Variants in PIGQ observed in about 807,000 individuals in gnomAD.
PIGQ encodes the protein phosphatidylinositol glycan anchor biosynthesis class Q.
In PIGQ, 54 loss-of-function variants were observed where a neutral mutation model predicts 60.3. The observed-to-expected ratio is 0.90, with a 90% CI of 0.72 to 1.12. PIGQ has a LOEUF of 1.12. PIGQ is among the 50% of genes most tolerant of loss of function. The pLI is 0.00. For synonymous variants in PIGQ, 416 were observed against 363.7 expected (o/e 1.14, Z -1.64); for missense variants, 799 against 793.5 (o/e 1.01, Z -0.08).
intron 8 of PIGQ, 118 bp downstream of exon 8, chr16:580,381 G>A: frequency 1.4e-6 from 1 of 737,488 alleles, no homozygotes; most frequent in Non-Finnish European, 2.3e-6. Flanking sequence ...CCACGTGGGT[G>A]GCCTTTCAGG....
Position 583,551 on chromosome 16 carries a change from C to G in PIGQ, c.*516C>G. On this transcript the variant is annotated 3_prime_UTR_variant, in exon 11 of 11. Transcript: ENST00000321878. ...TGGGGGATTGAAGCAGTCGCTGACCCCCGTCCCCAGCGGGCCCGGGCCCTC... is the reference window on the plus strand; with the variant it reads ...TGGGGGATTGAAGCAGTCGCTGACCGCCGTCCCCAGCGGGCCCGGGCCCTC... 2 of 1,612,502 alleles carry G rather than the reference C, an allele frequency of 1.2e-6. No individual in the cohort carries two copies. The highest frequency in any genetic ancestry group is 1.7e-6 in the Non-Finnish European group (2 of 1,179,702).
rs944607489 is a variant in PIGQ at position 583,846 on chromosome 16, G to A, written c.*811G>A. 1.4e-5 allele frequency: 9 copies of A among 639,542 alleles called. No homozygotes were observed. The Admixed American group carries it at 1.4e-4, about 10-fold the overall frequency. The allele number at this position is 639,542 out of a possible 1,614,324, so 39.6% of individuals were successfully genotyped here. ...GACACCTCTGTGGCCCCCCAGGAGT[G>A]TGAGTGGCCTGGGGAGGGGGCCGTG... On this transcript the variant is annotated 3_prime_UTR_variant, in exon 11 of 11. Coordinates refer to ENST00000321878, the MANE Select transcript of PIGQ (RefSeq NM_004204.5).
intron 10 of PIGQ, 33 bp downstream of exon 10, chr16:582,342 C>T (rs757189554): frequency 4.6e-6 from 7 of 1,509,980 alleles, no homozygotes; most frequent in Non-Finnish European, 6.3e-6. Context: ...CGCCCCTACG[C>T]TGCTGCCCCT....
intron 7 of PIGQ, 179 bp from the exon 8 acceptor site, chr16:580,003 CG>C: frequency 3.9e-6 from 2 of 509,550 alleles, no homozygotes; most frequent in Non-Finnish European, 7.0e-6. Context: ...TCCCCTAGTC[CG>C]TGGGGTGTGG....
intron 9 of PIGQ, chr16:581,216 C>A: frequency 7.0e-7 from 1 of 1,429,150 alleles, no homozygotes. Flanking sequence ...ACCCTGGAGA[C>A]CTGAGGCCAC....
intron 2 of PIGQ, among the ~76,000 whole-genome samples, 195 bp downstream of exon 2, chr16:574,958 G>A (rs1216670986): frequency 1.3e-5 from 2 of 152,226 alleles, no homozygotes; most frequent in East Asian, 3.9e-4. Context: ...CTCACCCCTG[G>A]GGTAGAGCCA....
chr16:580,728 G>A, intron 8 of PIGQ, 130 bp from the exon 9 acceptor site: 2 of 691,220 alleles, frequency 2.9e-6, no homozygotes, highest in Non-Finnish European at 2.6e-6. Flanking sequence ...CCCTGCTCAG[G>A]GTGGGGTCCC....
intron 6 of PIGQ, 43 bp from the exon 7 acceptor site, chr16:579,016 GGGGGCGGGGC>G (rs929429514): frequency 6.3e-5 from 96 of 1,521,338 alleles, no homozygotes; most frequent in African/African-American, 2.3e-4. Context: ...CGAGTGGGGC[GGGGGCGGGGC>G]GGGGCGGGGC....
At chr16:578,629 T>A in intron 5 of PIGQ, 124 bp downstream of exon 5, 1 of 1,412,876 alleles carries the variant, frequency 7.1e-7, no homozygotes, top group Non-Finnish European at 9.7e-7. Flanking sequence ...GTGTGAGGCC[T>A]GCTGTGCTCA....
chr16:574,710 T>TTGCCTGCTGTTGGCC lies in PIGQ; in HGVS notation c.637_651dup (p.Cys213_Ala217dup). ...TGGCCAGGCGAGCCTCGGGACCCAT[T>TTGCCTGCTGTTGGCC]TGCCTGCTGTTGGCCAGCCTGCTGT... On this transcript the variant is annotated inframe_insertion, in exon 2 of 11. Transcript: ENST00000321878. 4 of 1,594,778 alleles carry TTGCCTGCTGTTGGCC rather than the reference T, an allele frequency of 2.5e-6. No individual in the cohort carries two copies. Among genetic ancestry groups the TTGCCTGCTGTTGGCC allele is most frequent in the Non-Finnish European group, 3.4e-6 (4 of 1,174,286 alleles).
chr16:582,040 G>C (rs1393555999), intron 9 of PIGQ: 2 of 652,594 alleles, frequency 3.1e-6, no homozygotes, highest in African/African-American at 3.6e-5. Flanking sequence ...ACAGGCGTGA[G>C]CCACCGTGCC....
chr16:583,565 G>A lies in PIGQ; in HGVS notation c.*530G>A, dbSNP rs1470979166. On this transcript the variant is annotated 3_prime_UTR_variant, in exon 11 of 11. Coordinates refer to ENST00000321878, the MANE Select transcript of PIGQ (RefSeq NM_004204.5). ...AGTCGCTGACCCCCGTCCCCAGCGGGCCCGGGCCCTCACTCCCTGAACCAC... is the reference window on the plus strand; with the variant it reads ...AGTCGCTGACCCCCGTCCCCAGCGGACCCGGGCCCTCACTCCCTGAACCAC... The A allele has an allele frequency of 6.2e-7, 1 of 1,612,468 alleles. No homozygotes were observed. The highest frequency in any genetic ancestry group is 1.3e-5 in the African/African-American group (1 of 74,922).
chr16:578,095 A>C, intron 4 of PIGQ: 1 of 333,506 alleles, frequency 3.0e-6, no homozygotes. Flanking sequence ...GTGAGAGGGG[A>C]GGAAGATGGT....
At chr16:580,158 C>T (rs1182879962) in intron 7 of PIGQ, 25 bp from the exon 8 acceptor site, 3 of 1,592,870 alleles carry the variant, frequency 1.9e-6, no homozygotes, top group South Asian at 2.2e-5. Context: ...CTGCTGATGC[C>T]CGGTGTGCTG....
intron 4 of PIGQ, among the ~76,000 whole-genome samples, chr16:577,395 G>C (rs891150249): frequency 6.6e-6 from 1 of 151,684 alleles, no homozygotes; most frequent in South Asian, 2.1e-4. Context: ...GGCTAACACA[G>C]TGAAATCCCG....
intron 9 of PIGQ, 191 bp downstream of exon 9, chr16:581,163 G>A: frequency 6.9e-7 from 1 of 1,455,492 alleles, no homozygotes; most frequent in Non-Finnish European, 9.1e-7. Context: ...CCTCCAGGGA[G>A]GTGGAGAGAG....
chr16:579,447 A>AGAGACTAGAGATGCCCCGGGCCCG, intron 7 of PIGQ: 1 of 269,612 alleles, frequency 3.7e-6, no homozygotes, highest in South Asian at 4.6e-5. Flanking sequence ...CCCCGGGCCC[A>AGAGACTAGAGATGCCCCGGGCCCG]GAGACTAGAG....
chr16:574,072 G>T lies in PIGQ; in HGVS notation c.-3G>T. ...CTCTCCTCTTCTCTTCCAGCCTCCC[G>T]GCATGGTGCTCAAGGCCTTCTTCCC... On this transcript the variant is annotated 5_prime_UTR_variant, in exon 2 of 11. Coordinates refer to ENST00000321878, the MANE Select transcript of PIGQ (RefSeq NM_004204.5). 1.9e-6 allele frequency: 3 copies of T among 1,592,402 alleles called. No individual in the cohort carries two copies. Among genetic ancestry groups the T allele is most frequent in the Non-Finnish European group, 2.6e-6 (3 of 1,169,506 alleles).
At position 574,775 on chromosome 16, in the gene PIGQ, G is replaced by T; in HGVS notation, c.689+12G>T. The T allele has an allele frequency of 6.5e-7, 1 of 1,533,780 alleles. No homozygotes were observed. On this transcript the variant is annotated intron_variant, in intron 2 of 10. Coordinates refer to ENST00000321878, the MANE Select transcript of PIGQ (RefSeq NM_004204.5). ...GTCAGTGCCTGCCGGTAGGTGTCCC[G>T]GGACAGGCAGGTGGCAAAGAGTGGG...
Sources: gnomAD v4.1 joint callset for allele counts (sites outside exome capture counted in the v4.1 genomes callset) on GRCh38, gnomAD v4.1.1 for gene constraint, MANE v1.5 for transcripts, NCBI Gene and HGNC (gene_info 2026-07-23, HGNC 2026-07-21) for gene names.